Variants in TESK2 observed in about 807,000 individuals in gnomAD.
The protein encoded by TESK2 is dual specificity testis-specific protein kinase 2.
Under a neutral mutation model 57.1 loss-of-function variants are expected in TESK2, and 39 were observed. The observed-to-expected ratio is 0.68, with a 90% confidence interval of 0.53 to 0.89. The LOEUF is 0.89. TESK2 is among the 40% of genes least tolerant of loss of function. The pLI is 0.00. For missense variants in TESK2, 646 were observed against 732.1 expected, an observed-to-expected ratio of 0.88 and a Z score of 1.36; for synonymous variants, 249 against 267.9, an observed-to-expected ratio of 0.93 and a Z score of 0.69.
At chr1:45,401,882 G>C (rs1649638679) in intron 3 of TESK2, among the ~76,000 whole-genome samples, 1 of 152,150 alleles carries the variant, frequency 6.6e-6, no homozygotes, top group Non-Finnish European at 1.5e-5. Flanking sequence ...ACGTTGAGCA[G>C]TAAGCAGCAT....
chr1:45,453,378 T>G (rs895301602), intron 2 of TESK2, among the ~76,000 whole-genome samples: 1 of 141,356 alleles, frequency 7.1e-6, no homozygotes, highest in East Asian at 2.1e-4. Flanking sequence ...GAGAGAGAGA[T>G]AAACCCTCTC....
intron 3 of TESK2, among the ~76,000 whole-genome samples, chr1:45,404,390 G>A (rs1218123745): frequency 1.3e-5 from 2 of 152,140 alleles, no homozygotes; most frequent in African/African-American, 4.8e-5. Flanking sequence ...AGAAATAAAT[G>A]TGATGTTCCC....
At chr1:45,355,251 A>G in intron 5 of TESK2, 52 bp downstream of exon 5, 1 of 1,593,466 alleles carries the variant, frequency 6.3e-7, no homozygotes, top group Non-Finnish European at 8.5e-7. Flanking sequence ...CTTTCTTGGC[A>G]AAAGAGAAGG....
chr1:45,432,995 C>T (rs993303364), intron 2 of TESK2, among the ~76,000 whole-genome samples: 3 of 149,214 alleles, frequency 2.0e-5, no homozygotes, highest in Non-Finnish European at 4.4e-5. Context: ...AACTCCTGAG[C>T]TTGGGCAATC....
chr1:45,345,610 C>T (rs776024664), intron 10 of TESK2, 52 bp from the exon 11 acceptor site: 8 of 1,481,064 alleles, frequency 5.4e-6, no homozygotes, highest in African/African-American at 1.4e-5. Flanking sequence ...CAAATACAAG[C>T]AGCATTTTAC....
intron 1 of TESK2, among the ~76,000 whole-genome samples, chr1:45,475,420 T>G (rs1652947836): frequency 6.6e-6 from 1 of 152,044 alleles, no homozygotes; most frequent in Non-Finnish European, 1.5e-5. Context: ...CTAGCCAGAC[T>G]GGTCTCGAAC....
intron 3 of TESK2, among the ~76,000 whole-genome samples, chr1:45,396,897 C>T (rs1005543942): frequency 6.9e-6 from 1 of 144,878 alleles, no homozygotes; most frequent in Non-Finnish European, 1.5e-5. Flanking sequence ...TGGCTCACTG[C>T]AACCTCCACC....
chr1:45,403,290 G>A (rs1343457180), intron 3 of TESK2, among the ~76,000 whole-genome samples: 2 of 151,390 alleles, frequency 1.3e-5, no homozygotes, highest in Non-Finnish European at 2.9e-5. Context: ...AAGAAGAGAA[G>A]GCAATGGCTG....
At chr1:45,356,494 G>A (rs1383184522) in intron 4 of TESK2, among the ~76,000 whole-genome samples, 1 of 151,868 alleles carries the variant, frequency 6.6e-6, no homozygotes, top group Admixed American at 6.6e-5. Flanking sequence ...TGGACGTGAT[G>A]GTGCACACAT....
Position 45,456,575 on chromosome 1 carries a change from G to GT in TESK2, c.222+988dup, listed in dbSNP as rs893469376. Reference sequence around the variant, plus strand: ...GAAATAACAGAGCCAAAATATTTGGGTTTTTTTTTTCCTTAAAAGAATTTT... The same window carrying GT: ...GAAATAACAGAGCCAAAATATTTGGGTTTTTTTTTTTCCTTAAAAGAATTTT... On this transcript the variant is annotated intron_variant, in intron 2 of 10. Transcript: ENST00000372086. Among the ~76,000 whole-genome samples, 412 of 149,086 alleles carry GT rather than the reference G, an allele frequency of 2.8e-3. 1 individual carries two copies. The highest frequency in any genetic ancestry group is 4.7e-3 in the African/African-American group (191 of 40,786).
At chr1:45,378,724 T>C (rs1648532814) in intron 4 of TESK2, among the ~76,000 whole-genome samples, 1 of 152,232 alleles carries the variant, frequency 6.6e-6, no homozygotes. Context: ...CAATAGATCA[T>C]GGGAGCAGAT....
intron 3 of TESK2, among the ~76,000 whole-genome samples, chr1:45,393,524 C>T (rs1649231097): frequency 6.6e-6 from 1 of 152,006 alleles, no homozygotes; most frequent in Non-Finnish European, 1.5e-5. Context: ...GGGAGGATCA[C>T]GAGGTCAAGA....
chr1:45,396,805 G>GTTTTT lies in TESK2; in HGVS notation c.345-10850_345-10846dup, dbSNP rs55739766. 9.9e-4 allele frequency among the ~76,000 whole-genome samples: 73 copies of GTTTTT among 73,562 alleles called. 4 individuals carry two copies. In the East Asian group the frequency reaches 0.024, roughly 25 times the overall value. The allele number at this position is 73,562 out of a possible 152,430, so 48.3% of individuals were successfully genotyped here. On this transcript the variant is annotated intron_variant, in intron 3 of 10. Transcript: ENST00000372086. Reference sequence around the variant, plus strand: ...CGCCCGGCCTGGTATCAGCTAAGTTGTTTTTTTTTTTTTTTTTTTTTTTGA... The same window carrying GTTTTT: ...CGCCCGGCCTGGTATCAGCTAAGTTGTTTTTTTTTTTTTTTTTTTTTTTTTTTTGA...
intron 2 of TESK2, among the ~76,000 whole-genome samples, chr1:45,456,744 A>G (rs146171146): frequency 4.3e-4 from 65 of 152,292 alleles, no homozygotes; most frequent in African/African-American, 1.6e-3. Flanking sequence ...GAGCATGAGT[A>G]GTTGATCCAT....
chr1:45,354,868 G>T (rs1647357286), intron 5 of TESK2, among the ~76,000 whole-genome samples: 3 of 122,228 alleles, frequency 2.5e-5, no homozygotes, highest in Non-Finnish European at 4.9e-5. Context: ...ACTCAGCACT[G>T]AAAGGAACCT....
At chr1:45,434,047 T>C (rs527315535) in intron 2 of TESK2, among the ~76,000 whole-genome samples, 3 of 152,256 alleles carry the variant, frequency 2.0e-5, no homozygotes, top group Admixed American at 2.0e-4. Flanking sequence ...CAGGCTGGAG[T>C]GCAGTGGCAT....
At chr1:45,444,751 G>A (rs1346556957) in intron 2 of TESK2, among the ~76,000 whole-genome samples, 1 of 152,190 alleles carries the variant, frequency 6.6e-6, no homozygotes, top group Non-Finnish European at 1.5e-5. Flanking sequence ...ACTCCATCTT[G>A]CTTCTAACCA....
intron 2 of TESK2, among the ~76,000 whole-genome samples, chr1:45,447,931 A>T (rs1010053424): frequency 1.3e-5 from 2 of 152,026 alleles, no homozygotes; most frequent in Non-Finnish European, 2.9e-5. Flanking sequence ...TATGAGAAAA[A>T]CCACAAAACT....
intron 1 of TESK2, among the ~76,000 whole-genome samples, chr1:45,489,957 T>G (rs1442610928): frequency 6.6e-6 from 1 of 152,190 alleles, no homozygotes; most frequent in Admixed American, 6.5e-5. Context: ...ACACTACCGA[T>G]TCACACCATC....
Sources: allele counts gnomAD v4.1 joint callset (sites outside exome capture counted in the v4.1 genomes callset), GRCh38; gene constraint gnomAD v4.1.1; transcripts MANE v1.5; gene names NCBI Gene and HGNC (gene_info 2026-07-23, HGNC 2026-07-21).